The following NEDD9 variants were observed in gnomAD, a reference collection of about 807,000 sequenced individuals.
NEDD9 encodes enhancer of filamentation 1.
Under a neutral mutation model 76.6 loss-of-function variants are expected in NEDD9, and 26 were observed. That is an observed-to-expected ratio of 0.34 (90% CI 0.25 to 0.47). The LOEUF (loss-of-function observed/expected upper bound fraction) is 0.47, where lower values mean the gene tolerates loss of function less well. Among genes scored for constraint, NEDD9 ranks in the 20% least tolerant of loss-of-function variants. NEDD9 has a pLI of 1.00. For synonymous variants in NEDD9, 392 were observed against 414.2 expected (o/e 0.95, Z 0.65); for missense variants, 937 against 1,058.5 (o/e 0.89, Z 1.59).
chr6:11,351,781 G>T (rs1314734528), intron 1 of NEDD9, among the ~76,000 whole-genome samples: 1 of 152,172 alleles, frequency 6.6e-6, no homozygotes, highest in South Asian at 2.1e-4. Context: ...CCCCTCAAAG[G>T]CTTCTGTGTC....
intron 3 of NEDD9, among the ~76,000 whole-genome samples, chr6:11,248,292 T>A (rs1326681174): frequency 6.6e-6 from 1 of 151,790 alleles, no homozygotes; most frequent in East Asian, 1.9e-4. Context: ...TACAGCTAAG[T>A]GCGCCATCTC....
At chr6:11,305,283 A>G (rs1015275626) in intron 3 of NEDD9, 1 of 496,730 alleles carries the variant, frequency 2.0e-6, no homozygotes, top group South Asian at 2.0e-5. Flanking sequence ...TCCTGTCACC[A>G]TTTTATAAAC....
rs1762835193 is a variant in NEDD9 at position 11,370,107 on chromosome 6, T to C, written c.-214+12032A>G. Among the ~76,000 whole-genome samples the C allele has an allele frequency of 6.6e-6, 1 of 151,940 alleles. No individual in the cohort carries two copies. The highest frequency in any genetic ancestry group is 1.5e-5 in the Non-Finnish European group (1 of 68,004). On this transcript the variant is annotated intron_variant, in intron 1 of 3. Transcript: ENST00000397378. This position sits in a 1 kb window ranked among gnomAD's most constrained non-coding sequence, Gnocchi z 4.2. ...GATGTCAACTGAGGTATATAAAGAGTCTTTTCCCTAAGGAACATTTCGTTT... is the reference window on the plus strand; with the variant it reads ...GATGTCAACTGAGGTATATAAAGAGCCTTTTCCCTAAGGAACATTTCGTTT...
intron 2 of NEDD9, among the ~76,000 whole-genome samples, chr6:11,197,598 G>T (rs959284125): frequency 5.3e-5 from 8 of 152,170 alleles, no homozygotes; most frequent in Non-Finnish European, 1.5e-5. Context: ...TTTAGAAAAG[G>T]AAGAATCCAT....
chr6:11,209,708 T>A (rs1758716657), intron 2 of NEDD9, among the ~76,000 whole-genome samples: 1 of 152,168 alleles, frequency 6.6e-6, no homozygotes, highest in African/African-American at 2.4e-5. Context: ...GTAGAGATGG[T>A]CAGTAACTTA....
At chr6:11,214,942 G>A (rs557000872) in intron 1 of NEDD9, among the ~76,000 whole-genome samples, 4 of 152,260 alleles carry the variant, frequency 2.6e-5, no homozygotes, top group Non-Finnish European at 4.4e-5. Context: ...TGGGATTTTC[G>A]GCTGTCATTG....
In NEDD9 at chr6:11,186,017, T is replaced by C. The variant is rs1313412494; in HGVS notation, c.1996-346A>G. ...ATGCTTATAATAGTTTGGTATGTAGTAGGCTCTATGTAAATGTTTATTAAT... is the reference window on the plus strand; with the variant it reads ...ATGCTTATAATAGTTTGGTATGTAGCAGGCTCTATGTAAATGTTTATTAAT... On this transcript the variant is annotated intron_variant, in intron 6 of 6. Transcript: ENST00000379446. Among the ~76,000 whole-genome samples the C allele has an allele frequency of 2.6e-5, 4 of 152,316 alleles. No homozygotes were observed. The East Asian group carries it at 7.7e-4, about 29-fold the overall frequency.
intron 1 of NEDD9, among the ~76,000 whole-genome samples, chr6:11,359,018 C>T (rs890054365): frequency 2.6e-5 from 4 of 152,140 alleles, no homozygotes; most frequent in African/African-American, 7.2e-5. Context: ...GTAGGAGACA[C>T]GTTAAGTCTG....
rs1307024091 is a variant in NEDD9, at chr6:11,370,082, G to T, written c.-214+12057C>A. Among the ~76,000 whole-genome samples, 1 of 152,198 alleles carries T rather than the reference G, an allele frequency of 6.6e-6. No individual in the cohort carries two copies. The highest frequency in any genetic ancestry group is 2.4e-5 in the African/African-American group (1 of 41,448). On this transcript the variant is annotated intron_variant, in intron 1 of 3. Transcript: ENST00000397378. This position sits in a 1 kb window ranked among gnomAD's most constrained non-coding sequence, Gnocchi z 4.2. Reference sequence around the variant, plus strand: ...TGGGTATTCAGGGAATATCATTAGGGATGTCAACTGAGGTATATAAAGAGT... The same window carrying T: ...TGGGTATTCAGGGAATATCATTAGGTATGTCAACTGAGGTATATAAAGAGT...
chr6:11,191,069 C>T lies in NEDD9; in HGVS notation c.800G>A (p.Cys267Tyr), dbSNP rs564055011. ...PEGVYDIPPT[C>Y]TKPAGKDLHV... Reference sequence around the variant, plus strand: ...AAGGTCCTTCCCTGCTGGCTTGGTGCAGGTTGGAGGAATGTCATAAACCCC... The same window carrying T: ...AAGGTCCTTCCCTGCTGGCTTGGTGTAGGTTGGAGGAATGTCATAAACCCC... The change falls in exon 5 of 7, where the codon TGC becomes TAC. Residue 267 changes from cysteine (C) to tyrosine (Y), a missense_variant. Coordinates refer to ENST00000379446, the MANE Select transcript of NEDD9 (RefSeq NM_006403.4). 21 of 1,613,822 alleles carry T rather than the reference C, an allele frequency of 1.3e-5. 1 individual carries two copies. The highest frequency in any genetic ancestry group is 1.8e-5 in the Non-Finnish European group (21 of 1,180,000).
intron 4 of NEDD9, among the ~76,000 whole-genome samples, chr6:11,191,523 A>C (rs1758144398): frequency 6.6e-6 from 1 of 152,102 alleles, no homozygotes; most frequent in Non-Finnish European, 1.5e-5. Context: ...AGGCAGAGTA[A>C]GACCAGAGTT....
chr6:11,295,320 T>C (rs1408891217), intron 3 of NEDD9, among the ~76,000 whole-genome samples: 2 of 152,236 alleles, frequency 1.3e-5, no homozygotes, highest in African/African-American at 2.4e-5. Context: ...TTCTGACTGT[T>C]AACCCATTAT....
chr6:11,356,907 G>T (rs1762587154), intron 1 of NEDD9, among the ~76,000 whole-genome samples: 1 of 152,084 alleles, frequency 6.6e-6, no homozygotes, highest in African/African-American at 2.4e-5. Flanking sequence ...AAGGAATATT[G>T]TCTCATGGGA....
rs201831074 is a variant in NEDD9, at chr6:11,374,070, A to C, written c.-214+8069T>G. On this transcript the variant is annotated intron_variant, in intron 1 of 3. Coordinates refer to the NEDD9 transcript ENST00000397378. ...TCTCTCTCTCTCTCTCTCTCTCTAT[A>C]TATATATGTATATATATACACACAC... is the stretch of plus-strand genomic sequence containing the variant. Among the ~76,000 whole-genome samples, 208 of 151,736 alleles carry C rather than the reference A, an allele frequency of 1.4e-3. 2 individuals are homozygous for C. The East Asian group carries it at 0.02, about 15-fold the overall frequency.
chr6:11,275,238 C>T (rs1760391868), intron 3 of NEDD9, among the ~76,000 whole-genome samples: 1 of 151,884 alleles, frequency 6.6e-6, no homozygotes, highest in Non-Finnish European at 1.5e-5. Flanking sequence ...TTATGAGAGG[C>T]TAAGGTTGGG....
In NEDD9 at chr6:11,185,155, T is replaced by C; in HGVS notation, c.*7A>G. ...TTAACGCAGTCCCCTTCCTCTTTTT[T>C]TTCTTCTCAGAACGTTGCCATCTCC... On this transcript the variant is annotated 3_prime_UTR_variant, in exon 7 of 7. Coordinates refer to ENST00000379446, the MANE Select transcript of NEDD9 (RefSeq NM_006403.4). 1 of 1,601,992 alleles carries C rather than the reference T, an allele frequency of 6.2e-7. No homozygotes were observed. Among genetic ancestry groups the C allele is most frequent in the Non-Finnish European group, 8.5e-7 (1 of 1,170,900 alleles).
chr6:11,344,967 A>G (rs1489796786), intron 1 of NEDD9, among the ~76,000 whole-genome samples: 1 of 152,216 alleles, frequency 6.6e-6, no homozygotes, highest in Non-Finnish European at 1.5e-5. Flanking sequence ...TATAAATGCC[A>G]GGAGTCAGCC....
At chr6:11,340,888 C>A (rs1007402143) in intron 1 of NEDD9, among the ~76,000 whole-genome samples, 7 of 152,240 alleles carry the variant, frequency 4.6e-5, no homozygotes, top group Middle Eastern at 3.4e-3. Flanking sequence ...AGATAATGGC[C>A]TATGAAGCCA....
At position 11,185,035 on chromosome 6, in the gene NEDD9, A is replaced by T; in HGVS notation, c.*127T>A. On this transcript the variant is annotated 3_prime_UTR_variant, in exon 7 of 7. Transcript: ENST00000379446. ...ATTTCTGAAAGTTGACTGACCCATAAAATGTTAAAATATTTCATTTTTATA... is the reference window on the plus strand; with the variant it reads ...ATTTCTGAAAGTTGACTGACCCATATAATGTTAAAATATTTCATTTTTATA... The T allele has an allele frequency of 8.1e-7, 1 of 1,233,348 alleles. No individual in the cohort carries two copies. Among genetic ancestry groups the T allele is most frequent in the East Asian group, 2.6e-5 (1 of 38,608 alleles). 76.4% of individuals were successfully genotyped at this position (1,233,348 alleles called of 1,614,324 possible).
Sources: gnomAD v4.1 joint callset for allele counts (sites outside exome capture counted in the v4.1 genomes callset) on GRCh38, gnomAD v4.1.1 for gene constraint, Gnocchi (gnomAD v3.1) non-coding constraint, MANE v1.5 for transcripts, NCBI Gene and HGNC (gene_info 2026-07-23, HGNC 2026-07-21) for gene names.